The following GASK1A variants were observed in gnomAD, a reference collection of about 807,000 sequenced individuals.
GASK1A encodes the protein Golgi-associated kinase 1A.
Under a neutral mutation model 41.2 loss-of-function variants are expected in GASK1A, and 40 were observed. That is an observed-to-expected ratio of 0.97 (90% CI 0.75 to 1.27). The LOEUF (loss-of-function observed/expected upper bound fraction) is 1.27, where lower values mean the gene tolerates loss of function less well. Ranked by LOEUF, GASK1A falls within the 50% of genes most tolerant of loss-of-function variation. The pLI is 0.00. For synonymous variants in GASK1A, 316 were observed against 307.1 expected, an observed-to-expected ratio of 1.03 and a Z score of -0.30; for missense variants, 678 against 745.1, an observed-to-expected ratio of 0.91 and a Z score of 1.05.
At chr3:43,007,667 G>T (rs1417482930) in intron 1 of GASK1A, among the ~76,000 whole-genome samples, 1 of 152,050 alleles carries the variant, frequency 6.6e-6, no homozygotes, top group African/African-American at 2.4e-5. Flanking sequence ...TTGCTTTTAT[G>T]GTTGACTGCT....
chr3:42,981,743 C>A (rs1228387977), intron 1 of GASK1A, among the ~76,000 whole-genome samples: 1 of 152,186 alleles, frequency 6.6e-6, no homozygotes, highest in African/African-American at 2.4e-5. Flanking sequence ...CAAGATATCC[C>A]TATGTCCACA....
Position 43,032,887 on chromosome 3 carries a change from CAG to C in GASK1A, c.627_628del (p.Arg209SerfsTer25), listed in dbSNP as rs1198094249. On this transcript the variant is annotated frameshift_variant, in exon 2 of 5. Transcript: ENST00000430121. LOFTEE classifies it high-confidence loss of function. Reference protein sequence around the residue: ...EGRDLLGAENRALTGGQQAED... With the variant: ...EGRDLLGAENXALTGGQQAED... ...GCAGGGATCTGCTGGGAGCTGAGAA[CAG>C]AGCCTTGACTGGTGGGCAACAAGCA... 6.4e-7 allele frequency: 1 copy of C among 1,550,962 alleles called. No individual in the cohort carries two copies. Among genetic ancestry groups the C allele is most frequent in the Admixed American group, 2.0e-5 (1 of 51,002 alleles).
intron 1 of GASK1A, among the ~76,000 whole-genome samples, chr3:42,995,747 T>C (rs1157017799): frequency 6.6e-6 from 1 of 152,122 alleles, no homozygotes; most frequent in Non-Finnish European, 1.5e-5. Context: ...CTCCCCTTCT[T>C]CTCTGAGGTT....
intron 1 of GASK1A, among the ~76,000 whole-genome samples, chr3:42,983,081 G>T (rs2089290192): frequency 6.6e-6 from 1 of 152,184 alleles, no homozygotes; most frequent in Non-Finnish European, 1.5e-5. Context: ...CCCCATCATA[G>T]AATTGAGGGA....
At chr3:43,014,371 C>A (rs2089479587) in intron 1 of GASK1A, among the ~76,000 whole-genome samples, 1 of 150,820 alleles carries the variant, frequency 6.6e-6, no homozygotes, top group Non-Finnish European at 1.5e-5. Flanking sequence ...GAGGAAGAAG[C>A]TGTGTGAAGT....
Position 43,056,724 on chromosome 3 carries a change from G to T in GASK1A, c.*338G>T. On this transcript the variant is annotated 3_prime_UTR_variant, in exon 5 of 5. Coordinates refer to ENST00000430121, the MANE Select transcript of GASK1A (RefSeq NM_001129908.3). Reference sequence around the variant, plus strand: ...GTGTAGAGGTGTGTAGGTGTGGGTGGCATGTGTGCCCGCCTGCATGCAATA... The same window carrying T: ...GTGTAGAGGTGTGTAGGTGTGGGTGTCATGTGTGCCCGCCTGCATGCAATA... The T allele has an allele frequency of 4.9e-6, 1 of 205,460 alleles. No individual in the cohort carries two copies. Among genetic ancestry groups the T allele is most frequent in the South Asian group, 1.3e-4 (1 of 7,450 alleles). 12.7% of individuals were successfully genotyped at this position (205,460 alleles called of 1,614,324 possible).
intron 1 of GASK1A, among the ~76,000 whole-genome samples, chr3:43,012,673 G>T (rs2089469424): frequency 6.8e-6 from 1 of 146,056 alleles, no homozygotes. Context: ...GAAGGGCAGT[G>T]TGGAGCCACA....
rs117970104 is a variant in GASK1A at position 43,030,394 on chromosome 3, C to T, written c.4-1873C>T. 2.9e-4 allele frequency among the ~76,000 whole-genome samples: 44 copies of T among 152,316 alleles called. No individual in the cohort carries two copies. In the East Asian group the frequency reaches 5.2e-3, roughly 18 times the overall value. On this transcript the variant is annotated intron_variant, in intron 1 of 4. Coordinates refer to ENST00000430121, the MANE Select transcript of GASK1A (RefSeq NM_001129908.3). ...TGGCTGCATGTAGCAGGAGTACCCA[C>T]GACCCACAGCTCAAGTGTAGAGTGA...
intron 1 of GASK1A, among the ~76,000 whole-genome samples, chr3:42,993,837 A>G (rs990448570): frequency 1.3e-5 from 2 of 152,256 alleles, no homozygotes; most frequent in Admixed American, 6.5e-5. Context: ...TTTACAACAT[A>G]TTGTATTATG....
At chr3:43,000,508 C>T (rs1260393672) in intron 1 of GASK1A, among the ~76,000 whole-genome samples, 1 of 152,232 alleles carries the variant, frequency 6.6e-6, no homozygotes, top group Non-Finnish European at 1.5e-5. Context: ...TCTAGGAAAT[C>T]TTCTCTCAAG....
intron 2 of GASK1A, among the ~76,000 whole-genome samples, chr3:43,042,485 A>G (rs1170517004): frequency 6.6e-6 from 1 of 152,148 alleles, no homozygotes; most frequent in East Asian, 1.9e-4. Flanking sequence ...CTGTCTCAAA[A>G]GAAAACAAAA....
chr3:43,008,294 G>A (rs144374326), intron 1 of GASK1A, among the ~76,000 whole-genome samples: 11 of 152,296 alleles, frequency 7.2e-5, no homozygotes, highest in African/African-American at 2.2e-4. Context: ...CAACAATGCT[G>A]GCTACAGTTG....
At chr3:43,021,098 G>A (rs1306912136) in intron 1 of GASK1A, among the ~76,000 whole-genome samples, 1 of 152,128 alleles carries the variant, frequency 6.6e-6, no homozygotes, top group African/African-American at 2.4e-5. Flanking sequence ...TTTGGTGGTG[G>A]TTCCTGTCCC....
chr3:43,053,028 C>G (rs1173381486), intron 2 of GASK1A, among the ~76,000 whole-genome samples: 3 of 152,172 alleles, frequency 2.0e-5, no homozygotes, highest in Non-Finnish European at 4.4e-5. Flanking sequence ...TGAGGATGTC[C>G]TCCTCTTTCC....
Position 42,995,811 on chromosome 3 carries a change from G to A in GASK1A, c.3+16166G>A, listed in dbSNP as rs930341187. 4.6e-5 allele frequency among the ~76,000 whole-genome samples: 7 copies of A among 152,314 alleles called. No homozygotes were observed. In the South Asian group the frequency reaches 1.2e-3, roughly 27 times the overall value. ...CAGAAATCTCTGGAAGGTTGGAAAG[G>A]TATAGCCCAGAAAGAAACTTACTTT... is the stretch of plus-strand genomic sequence containing the variant. On this transcript the variant is annotated intron_variant, in intron 1 of 4. Transcript: ENST00000430121.
chr3:43,046,098 TA>T (rs2089661192), intron 2 of GASK1A, among the ~76,000 whole-genome samples: 1 of 152,150 alleles, frequency 6.6e-6, no homozygotes, highest in African/African-American at 2.4e-5. Flanking sequence ...TAAAGGTACC[TA>T]AAAATGTGGA....
chr3:43,004,617 A>G (rs2089425735), intron 1 of GASK1A, among the ~76,000 whole-genome samples: 1 of 152,060 alleles, frequency 6.6e-6, no homozygotes, highest in South Asian at 2.1e-4. Context: ...TTTGACCATT[A>G]TTTATTCACT....
intron 1 of GASK1A, among the ~76,000 whole-genome samples, chr3:42,986,294 G>C (rs2089308979): frequency 2.0e-5 from 3 of 152,198 alleles, no homozygotes; most frequent in Admixed American, 2.0e-4. Context: ...ATGGAAAACA[G>C]ATCAGCGGTT....
intron 1 of GASK1A, among the ~76,000 whole-genome samples, chr3:42,987,332 T>C (rs2089317033): frequency 6.6e-6 from 1 of 152,152 alleles, no homozygotes; most frequent in Non-Finnish European, 1.5e-5. Flanking sequence ...GGGGTGTCTG[T>C]AATGAGCTAG....
Sources: gnomAD v4.1 joint callset for allele counts (sites outside exome capture counted in the v4.1 genomes callset) on GRCh38, gnomAD v4.1.1 for gene constraint, MANE v1.5 for transcripts, NCBI Gene and HGNC (gene_info 2026-07-23, HGNC 2026-07-21) for gene names.